The following PTPRD variants were observed in gnomAD, a reference collection of about 807,000 sequenced individuals.
PTPRD encodes protein tyrosine phosphatase receptor type D, also known as receptor-type tyrosine-protein phosphatase delta.
A neutral mutation model predicts 214.5 loss-of-function variants in PTPRD; 34 were observed. The ratio of observed to expected loss-of-function variants is 0.16; its 90% CI spans 0.12 to 0.21. The LOEUF (loss-of-function observed/expected upper bound fraction) is 0.21. Among genes scored for constraint, PTPRD ranks in the 10% least tolerant of loss-of-function variants. The pLI, the probability that PTPRD is intolerant of heterozygous loss-of-function variation, is 1.00. For synonymous variants in PTPRD, 1,128 were observed against 845.7 expected (o/e 1.33, Z -5.79); for missense variants, 2,545 against 2,398.7 (o/e 1.06, Z -1.27).
At chr9:10,521,265 T>C (rs2052164101) in intron 2 of PTPRD, among the ~76,000 whole-genome samples, 2 of 152,110 alleles carry the variant, frequency 1.3e-5, no homozygotes, top group Non-Finnish European at 1.5e-5. Context: ...ATGAAGTTAC[T>C]ACAGAGGTGG....
At chr9:10,503,217 A>AAAAAC (rs1406888502) in intron 2 of PTPRD, among the ~76,000 whole-genome samples, 6 of 148,714 alleles carry the variant, frequency 4.0e-5, no homozygotes, top group Non-Finnish European at 6.0e-5. Flanking sequence ...ACAAAAAAAA[A>AAAAAC]CACCATTTTT....
chr9:8,938,552 C>G (rs147969002), intron 11 of PTPRD, among the ~76,000 whole-genome samples: 1 of 152,056 alleles, frequency 6.6e-6, no homozygotes, highest in Non-Finnish European at 1.5e-5. Context: ...TTTAGTATAG[C>G]ACATAGAGTA....
intron 10 of PTPRD, among the ~76,000 whole-genome samples, chr9:9,156,636 G>A (rs2099881415): frequency 6.6e-6 from 1 of 152,088 alleles, no homozygotes; most frequent in Non-Finnish European, 1.5e-5. Context: ...ATGATTCACA[G>A]CGGCGTCATG....
chr9:9,362,666 C>A (rs2056603818), intron 9 of PTPRD, among the ~76,000 whole-genome samples: 1 of 151,170 alleles, frequency 6.6e-6, no homozygotes, highest in South Asian at 2.1e-4. Context: ...TCTCAAGGGG[C>A]CAATACGTGC....
At chr9:8,532,140 G>A (rs7849367) in intron 14 of PTPRD, among the ~76,000 whole-genome samples, 23,561 of 151,880 alleles carry the variant, frequency 0.16, 1,859 homozygotes, top group South Asian at 0.2. Flanking sequence ...CACTTTCTTC[G>A]TTAAATTTTC....
chr9:8,336,280 C>A (rs1388544953), intron 43 of PTPRD, among the ~76,000 whole-genome samples: 4 of 148,778 alleles, frequency 2.7e-5, no homozygotes, highest in Non-Finnish European at 5.9e-5. Context: ...AGAACAGAGG[C>A]CTCAGAAGTA....
intron 9 of PTPRD, among the ~76,000 whole-genome samples, chr9:9,323,436 T>G (rs1428464123): frequency 1.3e-5 from 2 of 152,186 alleles, no homozygotes; most frequent in African/African-American, 4.8e-5. Flanking sequence ...AGAAGTTAAG[T>G]AATATGCCAA....
intron 9 of PTPRD, among the ~76,000 whole-genome samples, chr9:9,384,344 T>A: frequency 3.2e-5 from 1 of 30,960 alleles, no homozygotes; most frequent in Non-Finnish European, 5.3e-5. Flanking sequence ...AAGACTAGGC[T>A]TTTTTTTTTT....
At chr9:9,346,335 A>C (rs1040772669) in intron 9 of PTPRD, among the ~76,000 whole-genome samples, 1 of 152,194 alleles carries the variant, frequency 6.6e-6, no homozygotes, top group Non-Finnish European at 1.5e-5. Flanking sequence ...CATGTGACTC[A>C]CACGTAACAT....
At chr9:10,395,672 A>G (rs951020200) in intron 2 of PTPRD, among the ~76,000 whole-genome samples, 11 of 151,888 alleles carry the variant, frequency 7.2e-5, no homozygotes, top group African/African-American at 2.4e-4. Flanking sequence ...TCTCAGGGCC[A>G]AATTAATGAT....
At chr9:9,980,634 A>C (rs2095512326) in intron 4 of PTPRD, among the ~76,000 whole-genome samples, 1 of 47,946 alleles carries the variant, frequency 2.1e-5, no homozygotes, top group Middle Eastern at 0.013. Context: ...AAAAAAAAAA[A>C]CAAAAAAAAA....
intron 10 of PTPRD, among the ~76,000 whole-genome samples, chr9:9,061,272 G>A (rs970541158): frequency 3.3e-5 from 5 of 152,172 alleles, no homozygotes; most frequent in Admixed American, 6.5e-5. Context: ...CAAAGCATGT[G>A]AATGGAATTG....
At chr9:9,484,047 C>G (rs1046770833) in intron 8 of PTPRD, among the ~76,000 whole-genome samples, 1 of 151,696 alleles carries the variant, frequency 6.6e-6, no homozygotes, top group Non-Finnish European at 1.5e-5. Context: ...TTTTTATAAA[C>G]TAATGACCAG....
chr9:8,736,890 A>G (rs2090561906), intron 11 of PTPRD, among the ~76,000 whole-genome samples: 1 of 152,172 alleles, frequency 6.6e-6, no homozygotes, highest in African/African-American at 2.4e-5. Context: ...GAAAAGTGCT[A>G]AAGGAATCAG....
At chr9:9,000,003 A>G (rs1258145729) in intron 11 of PTPRD, among the ~76,000 whole-genome samples, 2 of 152,038 alleles carry the variant, frequency 1.3e-5, no homozygotes, top group Non-Finnish European at 2.9e-5. Flanking sequence ...ATTAGTTTCC[A>G]TATGCCAGAG....
chr9:9,303,509 C>T (rs182022642), intron 9 of PTPRD, among the ~76,000 whole-genome samples: 64 of 152,148 alleles, frequency 4.2e-4, no homozygotes, highest in Non-Finnish European at 7.7e-4. Context: ...TAACTCAATA[C>T]GTTATTCACT....
At chr9:9,690,821 T>C (rs1247365862) in intron 7 of PTPRD, among the ~76,000 whole-genome samples, 1 of 151,970 alleles carries the variant, frequency 6.6e-6, no homozygotes, top group African/African-American at 2.4e-5. Flanking sequence ...CATTGGTGTA[T>C]GTGTCTTCTT....
At chr9:8,379,384 C>A (rs2135117186) in intron 37 of PTPRD, among the ~76,000 whole-genome samples, 1 of 148,484 alleles carries the variant, frequency 6.7e-6, no homozygotes, top group South Asian at 2.1e-4. Context: ...AGCCTGCACA[C>A]CTTCATCTGA....
intron 35 of PTPRD, among the ~76,000 whole-genome samples, chr9:8,419,557 A>C (rs2131498530): frequency 6.6e-6 from 1 of 152,262 alleles, no homozygotes; most frequent in South Asian, 2.1e-4. Context: ...TACCAATATA[A>C]ATATTAAAAT....
Sources: gnomAD v4.1 joint callset for allele counts (sites outside exome capture counted in the v4.1 genomes callset) on GRCh38, gnomAD v4.1.1 for gene constraint, MANE v1.5 for transcripts, NCBI Gene and HGNC (gene_info 2026-07-23, HGNC 2026-07-21) for gene names.